DMTF1: variants seen among roughly 807,000 people sequenced by gnomAD.
The protein encoded by DMTF1 is cyclin D binding myb like transcription factor 1.
A neutral mutation model predicts 91.1 loss-of-function variants in DMTF1; 39 were observed. The ratio of observed to expected loss-of-function variants is 0.43; its 90% CI spans 0.33 to 0.56. DMTF1 has a LOEUF of 0.56. Ranked by LOEUF, DMTF1 falls within the 20% of genes least tolerant of loss-of-function variation. DMTF1 has a pLI of 0.05. For missense variants in DMTF1, 750 were observed against 914.5 expected (o/e 0.82, Z 2.32); for synonymous variants, 338 against 309.5 (o/e 1.09, Z -0.97).
At chr7:87,179,754 G>T in intron 8 of DMTF1, 52 bp downstream of exon 8, 1 of 1,493,244 alleles carries the variant, frequency 6.7e-7, no homozygotes, top group Non-Finnish European at 9.0e-7. Context: ...GGAAATATTT[G>T]AGGAACTGTC....
At chr7:87,190,885 A>T in intron 13 of DMTF1, 60 bp from the exon 14 acceptor site, 1 of 1,449,082 alleles carries the variant, frequency 6.9e-7, no homozygotes, top group South Asian at 1.3e-5. Context: ...GAGAAACTTA[A>T]ATTAACAAAA....
At chr7:87,170,477 C>T (rs1448599289) in intron 4 of DMTF1, among the ~76,000 whole-genome samples, 3 of 152,200 alleles carry the variant, frequency 2.0e-5, no homozygotes, top group Non-Finnish European at 4.4e-5. Context: ...CACTGGCCTC[C>T]TTGCTATTCT....
chr7:87,156,828 G>C, intron 1 of DMTF1, among the ~76,000 whole-genome samples: 1 of 152,192 alleles, frequency 6.6e-6, no homozygotes, highest in Middle Eastern at 3.4e-3. Flanking sequence ...AGTTTTTAAA[G>C]CATTAGTTAT....
intron 10 of DMTF1, 139 bp downstream of exon 10, chr7:87,182,476 T>G: frequency 1.3e-6 from 1 of 747,696 alleles, no homozygotes; most frequent in Non-Finnish European, 2.2e-6. Flanking sequence ...GTCTTCCTTT[T>G]CCTTGAGCTT....
intron 10 of DMTF1, 79 bp downstream of exon 10, chr7:87,182,416 T>A: frequency 7.2e-7 from 1 of 1,390,682 alleles, no homozygotes; most frequent in Non-Finnish European, 1.0e-6. Flanking sequence ...TTTTCTTTGC[T>A]CTTGGGGAGC....
Position 87,195,036 on chromosome 7 carries a change from A to C in DMTF1, c.2179A>C (p.Ile727Leu), listed in dbSNP as rs1262135946. Residue 727 changes from isoleucine (I) to leucine (L), a missense_variant, in exon 18 of 18, where the codon ATA becomes CTA. This residue lies in a region of DMTF1 where 410 missense variants were observed against 420.2 expected (regional missense o/e 0.98). Transcript: ENST00000331242. ...VLPLTTLTDP[I>L]LQHHQEESNI... ...TAACTTGAAACTCATTACAGATCCC[A>C]TACTCCAACATCATCAGGAAGAATC... The C allele has an allele frequency of 9.9e-6, 16 of 1,609,860 alleles. No homozygotes were observed. The highest frequency in any genetic ancestry group is 1.4e-5 in the Non-Finnish European group (16 of 1,177,250).
chr7:87,171,196 A>G (rs757961895), intron 5 of DMTF1, 107 bp downstream of exon 5: 33 of 713,220 alleles, frequency 4.6e-5, no homozygotes, highest in Non-Finnish European at 7.4e-5. Context: ...GACTACTGGC[A>G]CATGCCACTG....
At chr7:87,153,745 C>T (rs906979782) in intron 1 of DMTF1, among the ~76,000 whole-genome samples, 5 of 152,168 alleles carry the variant, frequency 3.3e-5, no homozygotes, top group Non-Finnish European at 5.9e-5. Context: ...TATGACATGT[C>T]TTAAGCTTAA....
intron 1 of DMTF1, 33 bp downstream of exon 1, chr7:87,152,588 C>G (rs1045821307): frequency 6.5e-6 from 1 of 152,754 alleles, no homozygotes; most frequent in Non-Finnish European, 1.5e-5. Flanking sequence ...GTTCCAACCG[C>G]CGCCAGGGCC....
chr7:87,172,828 T>C (rs2129103439), intron 5 of DMTF1, among the ~76,000 whole-genome samples: 1 of 152,370 alleles, frequency 6.6e-6, no homozygotes, highest in South Asian at 2.1e-4. Context: ...CAGGGTTTGT[T>C]AGATTAGATA....
intron 1 of DMTF1, among the ~76,000 whole-genome samples, chr7:87,157,454 C>G (rs1031936414): frequency 6.6e-6 from 1 of 152,068 alleles, no homozygotes; most frequent in Admixed American, 6.5e-5. Context: ...GAGTATACAG[C>G]TGTTTACAGA....
intron 2 of DMTF1, chr7:87,164,178 C>T (rs6966613): frequency 0.79 from 120,804 of 152,000 alleles, 48,382 homozygotes; most frequent in Middle Eastern, 0.94. Flanking sequence ...GCAAGAACCT[C>T]CTTAAACCTT....
chr7:87,181,274 T>C, intron 8 of DMTF1, 35 bp from the exon 9 acceptor site: 1 of 1,014,086 alleles, frequency 9.9e-7, no homozygotes, highest in Non-Finnish European at 1.5e-6. Flanking sequence ...TTCATTGTTT[T>C]AATTGATTTT....
rs184157729 is a variant in DMTF1, at chr7:87,194,701, T to C, written c.2046T>C (p.Thr682=). ...AYVTEGLESP[T]IEEQVDQTID... ...TTATTTAGGGTTTAGAGTCTCCCAC[T>C]ATAGAAGAACAAGTTGATCAAACAA... is the stretch of plus-strand genomic sequence containing the variant. The change falls in exon 17 of 18, where the codon ACT becomes ACC. Residue 682 remains threonine, a synonymous_variant. Transcript: ENST00000331242. 4.4e-6 allele frequency: 7 copies of C among 1,608,798 alleles called. No individual in the cohort carries two copies. The Admixed American group carries it at 1.0e-4, about 23-fold the overall frequency.
rs757813318 is a variant in DMTF1 at position 87,181,372 on chromosome 7, A to T, written c.710+31A>T. 10 of 1,089,368 alleles carry T rather than the reference A, an allele frequency of 9.2e-6. No homozygotes were observed. The East Asian group carries it at 2.2e-4, about 24-fold the overall frequency. 67.5% of individuals were successfully genotyped at this position (1,089,368 alleles called of 1,614,324 possible). On this transcript the variant is annotated intron_variant, in intron 9 of 17. Transcript: ENST00000331242. ...TTTTAAAGTTTTTTTCATTAATTCT[A>T]ATTTTTTATGTCTTACGTCCTTAAA...
intron 7 of DMTF1, among the ~76,000 whole-genome samples, chr7:87,179,090 T>G (rs928772790): frequency 6.6e-6 from 1 of 152,052 alleles, no homozygotes; most frequent in African/African-American, 2.4e-5. Flanking sequence ...GGCCTCATTT[T>G]TCCATTTCTA....
intron 4 of DMTF1, among the ~76,000 whole-genome samples, chr7:87,170,615 A>G (rs1019430944): frequency 1.3e-5 from 2 of 152,104 alleles, no homozygotes; most frequent in South Asian, 2.1e-4. Context: ...CACTTTTCCT[A>G]GCCTCCTATA....
chr7:87,163,285 CTGTGA>C (rs1017958083), intron 1 of DMTF1: 1 of 151,416 alleles, frequency 6.6e-6, no homozygotes, highest in Non-Finnish European at 1.5e-5. Flanking sequence ...AAGAAACTAC[CTGTGA>C]ATAGTCATCA....
chr7:87,182,683 A>C (rs1417952582), intron 10 of DMTF1, among the ~76,000 whole-genome samples: 3 of 152,212 alleles, frequency 2.0e-5, no homozygotes, highest in Non-Finnish European at 4.4e-5. Context: ...GGCCCATCTA[A>C]CTGTTGAATT....
Sources: gnomAD v4.1 joint callset for allele counts (sites outside exome capture counted in the v4.1 genomes callset) on GRCh38, gnomAD v4.1.1 for gene constraint, gnomAD v4.1.1 regional missense constraint, MANE v1.5 for transcripts, NCBI Gene and HGNC (gene_info 2026-07-23, HGNC 2026-07-21) for gene names.